CCDC192: variants seen among roughly 807,000 people sequenced by gnomAD.
The protein encoded by CCDC192 is coiled-coil domain-containing protein 192.
At chr5:127,801,956 T>C (rs766695791) in intron 5 of CCDC192, among the ~76,000 whole-genome samples, 5 of 152,200 alleles carry the variant, frequency 3.3e-5, no homozygotes, top group Non-Finnish European at 7.3e-5. Flanking sequence ...GTTGGATCAG[T>C]TGGGTGCCTG....
At chr5:127,754,472 T>TAC (rs368830307) in intron 3 of CCDC192, 97 bp downstream of exon 3, 17,208 of 325,434 alleles carry the variant, frequency 0.053, 802 homozygotes, top group African/African-American at 0.18. Context: ...CCTCTACTGA[T>TAC]ACACACACAC....
chr5:127,883,712 C>T (rs1752444480), intron 6 of CCDC192, among the ~76,000 whole-genome samples: 1 of 152,180 alleles, frequency 6.6e-6, no homozygotes, highest in Non-Finnish European at 1.5e-5. Flanking sequence ...GAGGCTGTGG[C>T]CTAATTCAAT....
intron 6 of CCDC192, among the ~76,000 whole-genome samples, chr5:127,912,419 C>CAA (rs60854127): frequency 0.03 from 2,434 of 81,374 alleles, 187 homozygotes; most frequent in Admixed American, 0.12. Context: ...CTGGGTTTAG[C>CAA]AAAAAAAAAA....
intron 2 of CCDC192, among the ~76,000 whole-genome samples, chr5:127,717,530 A>C (rs1040950810): frequency 6.6e-6 from 1 of 152,132 alleles, no homozygotes; most frequent in Non-Finnish European, 1.5e-5. Flanking sequence ...GAAAGATCAA[A>C]ATTTCAATTA....
At chr5:127,909,765 T>G (rs531165885) in intron 6 of CCDC192, among the ~76,000 whole-genome samples, 1 of 152,240 alleles carries the variant, frequency 6.6e-6, no homozygotes, top group Non-Finnish European at 1.5e-5. Context: ...GGACTAATGA[T>G]AAATTCTTCT....
At chr5:127,896,357 C>G (rs1752886174) in intron 6 of CCDC192, among the ~76,000 whole-genome samples, 1 of 152,130 alleles carries the variant, frequency 6.6e-6, no homozygotes, top group Non-Finnish European at 1.5e-5. Flanking sequence ...AGACCTTAAT[C>G]ATGGTACTTG....
At chr5:127,894,829 G>C (rs916091232) in intron 6 of CCDC192, among the ~76,000 whole-genome samples, 20 of 152,318 alleles carry the variant, frequency 1.3e-4, no homozygotes, top group African/African-American at 4.6e-4. Flanking sequence ...GCCAACCAAA[G>C]TGTTTTAATT....
At chr5:127,732,750 C>A (rs1752713234) in intron 2 of CCDC192, among the ~76,000 whole-genome samples, 1 of 152,108 alleles carries the variant, frequency 6.6e-6, no homozygotes, top group African/African-American at 2.4e-5. Flanking sequence ...AACAGAAAAC[C>A]AAACACCACA....
chr5:127,746,633 T>G (rs886226762), intron 2 of CCDC192, among the ~76,000 whole-genome samples: 2 of 151,910 alleles, frequency 1.3e-5, no homozygotes, highest in Non-Finnish European at 2.9e-5. Flanking sequence ...TTTTGAGAAT[T>G]TTTGAACCCA....
chr5:127,813,754 C>A (rs1313892480), intron 5 of CCDC192, among the ~76,000 whole-genome samples: 1 of 152,114 alleles, frequency 6.6e-6, no homozygotes, highest in Non-Finnish European at 1.5e-5. Context: ...TCAGAGTCCA[C>A]AAATGGTTTA....
chr5:127,895,093 A>G (rs961662619), intron 6 of CCDC192, among the ~76,000 whole-genome samples: 2 of 152,142 alleles, frequency 1.3e-5, no homozygotes, highest in African/African-American at 4.8e-5. Context: ...AGATCATTCC[A>G]TCACCTAGGT....
chr5:127,938,005 C>T (rs1007180044), intron 6 of CCDC192, among the ~76,000 whole-genome samples: 4 of 151,946 alleles, frequency 2.6e-5, no homozygotes, highest in Non-Finnish European at 5.9e-5. Flanking sequence ...CCCCCCTCCA[C>T]CCCTGCCCCC....
At chr5:127,940,485 T>G (rs1015885381) in intron 6 of CCDC192, 4 of 152,200 alleles carry the variant, frequency 2.6e-5, no homozygotes, top group African/African-American at 9.7e-5. Context: ...AGTCTCGCTC[T>G]GTCGCCCAGG....
intron 5 of CCDC192, among the ~76,000 whole-genome samples, chr5:127,856,926 C>A (rs78194677): frequency 6.6e-6 from 1 of 152,122 alleles, no homozygotes; most frequent in Non-Finnish European, 1.5e-5. Context: ...GATGAAAAGT[C>A]TGAAATATTA....
chr5:127,719,414 TAC>T (rs1443005146), intron 2 of CCDC192, among the ~76,000 whole-genome samples: 2 of 143,798 alleles, frequency 1.4e-5, no homozygotes, highest in African/African-American at 2.6e-5. Flanking sequence ...TATATATACA[TAC>T]ATATATATAT....
intron 5 of CCDC192, among the ~76,000 whole-genome samples, chr5:127,808,981 C>T (rs1362215152): frequency 2.0e-5 from 3 of 151,960 alleles, no homozygotes; most frequent in Non-Finnish European, 2.9e-5. Context: ...TATAGCAAAT[C>T]GTCCAAAAAA....
At chr5:127,859,287 T>C (rs1751252957) in intron 5 of CCDC192, among the ~76,000 whole-genome samples, 1 of 152,240 alleles carries the variant, frequency 6.6e-6, no homozygotes. Flanking sequence ...ACATGTTTGT[T>C]AATATTTAAC....
intron 5 of CCDC192, among the ~76,000 whole-genome samples, chr5:127,864,162 C>T (rs1170921539): frequency 6.6e-6 from 1 of 152,198 alleles, no homozygotes; most frequent in Non-Finnish European, 1.5e-5. Flanking sequence ...ATATGACTCA[C>T]TTGAGTTTTC....
At chr5:127,737,037 G>C (rs528820206) in intron 2 of CCDC192, among the ~76,000 whole-genome samples, 24 of 150,974 alleles carry the variant, frequency 1.6e-4, no homozygotes, top group Non-Finnish European at 2.4e-4. Context: ...GTCAATTTTG[G>C]ATCTTTCCTG....
Sources: allele counts gnomAD v4.1 joint callset (sites outside exome capture counted in the v4.1 genomes callset), GRCh38; gene constraint gnomAD v4.1.1; transcripts MANE v1.5; gene names NCBI Gene and HGNC (gene_info 2026-07-23, HGNC 2026-07-21).